The following NETO1 variants were observed in gnomAD, a reference collection of about 807,000 sequenced individuals.
The protein encoded by NETO1 is neuropilin and tolloid like 1.
Under a neutral mutation model 61.3 loss-of-function variants are expected in NETO1, and 26 were observed. That is an observed-to-expected ratio of 0.42 (90% CI 0.31 to 0.59). The LOEUF (loss-of-function observed/expected upper bound fraction) is 0.59, where lower values mean the gene tolerates loss of function less well. NETO1 is among the 20% of genes least tolerant of loss of function. The pLI is 0.12. For synonymous variants in NETO1, 225 were observed against 225.8 expected, an observed-to-expected ratio of 1.00 and a Z score of 0.03; for missense variants, 531 against 662.8, an observed-to-expected ratio of 0.80 and a Z score of 2.18.
At chr18:72,763,084 A>G (rs1272186733) in intron 7 of NETO1, among the ~76,000 whole-genome samples, 2 of 152,044 alleles carry the variant, frequency 1.3e-5, no homozygotes, top group African/African-American at 4.8e-5. Context: ...TTTAATTTAT[A>G]ATAGCTACTT....
intron 7 of NETO1, among the ~76,000 whole-genome samples, chr18:72,764,814 A>G (rs1285296632): frequency 1.3e-5 from 2 of 152,124 alleles, no homozygotes; most frequent in Non-Finnish European, 2.9e-5. Context: ...GGGCACAACC[A>G]TCCCCTCAGG....
chr18:72,742,324 A>C (rs1169619792), downstream of NETO1: 1 of 152,174 alleles, frequency 6.6e-6, no homozygotes, highest in Non-Finnish European at 1.5e-5. Flanking sequence ...TTGGATTTGG[A>C]AAGTCATATA....
chr18:72,843,971 TG>T (rs1173764884), intron 4 of NETO1, among the ~76,000 whole-genome samples: 4 of 152,370 alleles, frequency 2.6e-5, no homozygotes, highest in East Asian at 1.9e-4. Context: ...GTTGCAGTTT[TG>T]TACTTAGTTC....
chr18:72,867,090 C>G, intron 1 of NETO1, 174 bp downstream of exon 1: 1 of 499,078 alleles, frequency 2.0e-6, no homozygotes, highest in Non-Finnish European at 3.3e-6. Flanking sequence ...GCGCCGCCCC[C>G]ACGCCCGGTT....
At chr18:72,835,111 G>A (rs1490452542) in intron 4 of NETO1, 5 of 1,178,574 alleles carry the variant, frequency 4.2e-6, no homozygotes, top group Non-Finnish European at 5.3e-6. Flanking sequence ...AATTTACTAA[G>A]TCCGAATATG....
At chr18:72,825,295 G>T (rs7244465) in intron 4 of NETO1, among the ~76,000 whole-genome samples, 122,296 of 151,948 alleles carry the variant, frequency 0.8, 49,948 homozygotes, top group Non-Finnish European at 0.86. Context: ...GGTTTTCTAT[G>T]TCTTCTGAAG....
rs572732665 is a variant in NETO1, at chr18:72,822,346, A to G, written c.470-27942T>C. ...CTCCATATGGGCTCCCAAAGCCAGGAAGCTGCCTGGGAAAGCGGGCACTGG... is the reference window on the plus strand; with the variant it reads ...CTCCATATGGGCTCCCAAAGCCAGGGAGCTGCCTGGGAAAGCGGGCACTGG... On this transcript the variant is annotated intron_variant, in intron 4 of 10. Transcript: ENST00000327305. 9.5e-3 allele frequency among the ~76,000 whole-genome samples: 1,449 copies of G among 152,308 alleles called. 24 individuals are homozygous for G. The highest frequency in any genetic ancestry group is 0.018 in the African/African-American group (754 of 41,580).
intron 4 of NETO1, among the ~76,000 whole-genome samples, chr18:72,847,238 T>C (rs532625873): frequency 6.6e-6 from 1 of 152,248 alleles, no homozygotes; most frequent in Non-Finnish European, 1.5e-5. Flanking sequence ...GCACATGCCC[T>C]GCTGATTGTG....
intron 4 of NETO1, among the ~76,000 whole-genome samples, chr18:72,843,016 G>T (rs1021395818): frequency 1.3e-5 from 2 of 152,086 alleles, no homozygotes; most frequent in Admixed American, 1.3e-4. Flanking sequence ...TTAATTTTGA[G>T]TACCTAATTT....
chr18:72,867,034 A>G (rs1030886021), intron 1 of NETO1: 3 of 469,446 alleles, frequency 6.4e-6, no homozygotes, highest in Non-Finnish European at 1.1e-5. Flanking sequence ...TGCGCACTGA[A>G]AGACCGTTCT....
chr18:72,783,598 G>T, intron 7 of NETO1, 80 bp downstream of exon 7: 1 of 1,212,826 alleles, frequency 8.2e-7, no homozygotes, highest in Non-Finnish European at 1.2e-6. Context: ...ACTGTGTGAA[G>T]AAAACACCAT....
intron 4 of NETO1, among the ~76,000 whole-genome samples, chr18:72,848,460 G>T (rs551866783): frequency 6.6e-6 from 1 of 152,068 alleles, no homozygotes; most frequent in Non-Finnish European, 1.5e-5. Context: ...TCTCTCCATC[G>T]TTGAGCCATA....
intron 7 of NETO1, among the ~76,000 whole-genome samples, chr18:72,760,480 G>A (rs1312571508): frequency 6.6e-6 from 1 of 152,156 alleles, no homozygotes; most frequent in African/African-American, 2.4e-5. Context: ...GGGCTGTCAG[G>A]AGCGATAATC....
chr18:72,761,832 C>T (rs898539132), intron 7 of NETO1, among the ~76,000 whole-genome samples: 1 of 152,022 alleles, frequency 6.6e-6, no homozygotes, highest in African/African-American at 2.4e-5. Flanking sequence ...ATAATAAATT[C>T]TTTGGAAACA....
intron 4 of NETO1, among the ~76,000 whole-genome samples, chr18:72,824,763 C>A (rs1416191356): frequency 2.0e-5 from 3 of 151,728 alleles, no homozygotes; most frequent in African/African-American, 7.3e-5. Flanking sequence ...CCTGTAGTCC[C>A]AGCTACGCCG....
In NETO1 at chr18:72,841,294, G is replaced by A. The variant is rs115821815; in HGVS notation, c.469+17532C>T. On this transcript the variant is annotated intron_variant, in intron 4 of 10. Transcript: ENST00000327305. ...GAGATGGCAGGATGAAATGGTTTCT[G>A]AGACCAGTCTATAAACAGGTCCACG... 6.7e-3 allele frequency among the ~76,000 whole-genome samples: 1,016 copies of A among 152,272 alleles called. 16 individuals carry two copies. Among genetic ancestry groups the A allele is most frequent in the African/African-American group, 0.023 (976 of 41,556 alleles).
rs771768242 is a variant in NETO1 at position 72,750,313 on chromosome 18, G to C, written c.1290C>G (p.Asp430Glu). 6.2e-7 allele frequency: 1 copy of C among 1,613,908 alleles called. No homozygotes were observed. The highest frequency in any genetic ancestry group is 1.7e-5 in the Admixed American group (1 of 59,978). The change falls in exon 9 of 11, where the codon GAC becomes GAG. Residue 430 changes from aspartate (D) to glutamate (E), a missense_variant. Asp to Glu is a conservative substitution (Grantham distance 45, BLOSUM62 2). Coordinates refer to ENST00000327305, the MANE Select transcript of NETO1 (RefSeq NM_138966.5). Reference sequence around the variant, plus strand: ...TGGACAGCTGTGATCCACAGTGATGGTCATGAATGCATTTGGAAGATGACC... The same window carrying C: ...TGGACAGCTGTGATCCACAGTGATGCTCATGAATGCATTTGGAAGATGACC... ...LRRSSSKCIH[D>E]HHCGSQLSST... is the part of the protein sequence containing the mutation.
intron 7 of NETO1, among the ~76,000 whole-genome samples, chr18:72,764,444 A>C (rs914357799): frequency 6.6e-6 from 1 of 152,144 alleles, no homozygotes; most frequent in Non-Finnish European, 1.5e-5. Context: ...TCAGGTAACT[A>C]AGGTGATTTT....
At chr18:72,812,627 G>A (rs1004019435) in intron 4 of NETO1, among the ~76,000 whole-genome samples, 1 of 151,772 alleles carries the variant, frequency 6.6e-6, no homozygotes, top group African/African-American at 2.4e-5. Flanking sequence ...TTCTTTTTTA[G>A]TAATGCTTAG....
Sources: allele counts gnomAD v4.1 joint callset (sites outside exome capture counted in the v4.1 genomes callset), GRCh38; gene constraint gnomAD v4.1.1; transcripts MANE v1.5; gene names NCBI Gene and HGNC (gene_info 2026-07-23, HGNC 2026-07-21).